Variants in CSRNP3 observed in about 807,000 individuals in gnomAD.
The protein encoded by CSRNP3 is cysteine/serine-rich nuclear protein 3.
Under a neutral mutation model 48.0 loss-of-function variants are expected in CSRNP3, and 12 were observed. The ratio of observed to expected loss-of-function variants is 0.25; its 90% CI spans 0.16 to 0.41. CSRNP3 has a LOEUF of 0.41. Ranked by LOEUF, CSRNP3 falls within the 10% of genes least tolerant of loss-of-function variation. The probability of loss-of-function intolerance (pLI) is 1.00; values close to 1 mark genes in which losing one functional copy is unlikely to be tolerated. For missense variants in CSRNP3, 580 were observed against 724.4 expected, an observed-to-expected ratio of 0.80 and a Z score of 2.29; for synonymous variants, 263 against 269.7, an observed-to-expected ratio of 0.98 and a Z score of 0.24.
intron 1 of CSRNP3, among the ~76,000 whole-genome samples, chr2:165,494,259 A>G (rs1379965818): frequency 1.3e-5 from 2 of 152,050 alleles, no homozygotes; most frequent in Non-Finnish European, 2.9e-5. Context: ...CCTAGCAACC[A>G]ATTTGATTTT....
chr2:165,575,428 G>C (rs1214531099), intron 3 of CSRNP3, among the ~76,000 whole-genome samples: 1 of 151,832 alleles, frequency 6.6e-6, no homozygotes, highest in Non-Finnish European at 1.5e-5. Context: ...TCTATTACAG[G>C]TTGTATGTGT....
chr2:165,539,268 C>T (rs1319475928), intron 3 of CSRNP3, among the ~76,000 whole-genome samples: 1 of 151,914 alleles, frequency 6.6e-6, no homozygotes, highest in Non-Finnish European at 1.5e-5. Flanking sequence ...TATGCCTCGT[C>T]TGATAGGGAA....
At chr2:165,508,016 T>G (rs905297655) in intron 2 of CSRNP3, among the ~76,000 whole-genome samples, 17 of 152,044 alleles carry the variant, frequency 1.1e-4, no homozygotes, top group African/African-American at 2.6e-4. Context: ...TTAAGGTAGG[T>G]GCCATCGACT....
intron 1 of CSRNP3, among the ~76,000 whole-genome samples, chr2:165,481,560 T>C (rs1346557006): frequency 1.3e-5 from 2 of 152,216 alleles, no homozygotes; most frequent in East Asian, 3.9e-4. Flanking sequence ...GTGCTGCCTC[T>C]ATTCATTCGT....
intron 4 of CSRNP3, among the ~76,000 whole-genome samples, chr2:165,605,547 AT>A (rs1685995499): frequency 6.6e-6 from 1 of 152,160 alleles, no homozygotes; most frequent in Non-Finnish European, 1.5e-5. Context: ...GACTGAAAAA[AT>A]ATTGAAGCTT....
At chr2:165,603,491 G>A (rs1011848235) in intron 4 of CSRNP3, among the ~76,000 whole-genome samples, 1 of 152,048 alleles carries the variant, frequency 6.6e-6, no homozygotes, top group Non-Finnish European at 1.5e-5. Context: ...TACAAATTCA[G>A]ATCATAACCT....
intron 4 of CSRNP3, among the ~76,000 whole-genome samples, chr2:165,637,500 T>C (rs1325884151): frequency 1.3e-5 from 2 of 152,224 alleles, no homozygotes; most frequent in African/African-American, 2.4e-5. Context: ...CTGGTCATGA[T>C]TGGGATCGGA....
intron 3 of CSRNP3, among the ~76,000 whole-genome samples, chr2:165,581,511 T>C (rs1461179799): frequency 6.6e-6 from 1 of 152,122 alleles, no homozygotes; most frequent in East Asian, 1.9e-4. Context: ...GCCTATGTTT[T>C]ACTAGTTATG....
intron 4 of CSRNP3, among the ~76,000 whole-genome samples, chr2:165,625,831 G>C (rs1475147335): frequency 1.3e-5 from 2 of 150,280 alleles, no homozygotes; most frequent in Non-Finnish European, 3.0e-5. Flanking sequence ...TACTCGGCAG[G>C]CTGAGGCAGG....
At chr2:165,571,579 G>C (rs1367694186) in intron 3 of CSRNP3, among the ~76,000 whole-genome samples, 3 of 151,940 alleles carry the variant, frequency 2.0e-5, no homozygotes, top group Non-Finnish European at 4.4e-5. Context: ...GAAACTACTT[G>C]TTAACATTGA....
intron 1 of CSRNP3, among the ~76,000 whole-genome samples, chr2:165,482,002 A>G (rs1684050159): frequency 6.6e-6 from 1 of 152,098 alleles, no homozygotes; most frequent in South Asian, 2.1e-4. Flanking sequence ...TGGAGATGGG[A>G]CCATGCATAC....
Position 165,666,908 on chromosome 2 carries a change from G to A in CSRNP3, c.408+8888G>A, listed in dbSNP as rs1393356959. Among the ~76,000 whole-genome samples the A allele has an allele frequency of 3.0e-5, 2 of 67,128 alleles. 1 individual carries two copies. Among genetic ancestry groups the A allele is most frequent in the East Asian group, 9.8e-4 (2 of 2,044 alleles). The allele number at this position is 67,128 out of a possible 152,430, so 44.0% of individuals were successfully genotyped here. ...GAAGGAAAGAGAGAGAAAAAGGAAGGGCGGAAGGAAGGGAGGAAAGAGAGA... is the reference window on the plus strand; with the variant it reads ...GAAGGAAAGAGAGAGAAAAAGGAAGAGCGGAAGGAAGGGAGGAAAGAGAGA... On this transcript the variant is annotated intron_variant, in intron 5 of 6. Transcript: ENST00000651982.
chr2:165,579,072 A>C (rs1282367236), intron 3 of CSRNP3, among the ~76,000 whole-genome samples: 1 of 152,174 alleles, frequency 6.6e-6, no homozygotes, highest in Non-Finnish European at 1.5e-5. Context: ...TTTTCAGCCC[A>C]CACAAGTTGA....
chr2:165,560,260 T>C (rs1425385752), intron 3 of CSRNP3, among the ~76,000 whole-genome samples: 1 of 152,164 alleles, frequency 6.6e-6, no homozygotes, highest in East Asian at 1.9e-4. Context: ...GTTTATTGAA[T>C]GGGAATATCA....
intron 3 of CSRNP3, among the ~76,000 whole-genome samples, chr2:165,562,526 A>G (rs1685247274): frequency 6.6e-6 from 1 of 152,202 alleles, no homozygotes; most frequent in Admixed American, 6.5e-5. Flanking sequence ...TCATTTAGAC[A>G]AGCTTGAAAA....
intron 5 of CSRNP3, among the ~76,000 whole-genome samples, chr2:165,665,237 G>A (rs2105351874): frequency 6.6e-6 from 1 of 152,314 alleles, no homozygotes. Flanking sequence ...CTGATAGGAT[G>A]TATAGATGCC....
chr2:165,638,957 G>T (rs754045760), intron 4 of CSRNP3, among the ~76,000 whole-genome samples: 4 of 152,136 alleles, frequency 2.6e-5, no homozygotes, highest in Non-Finnish European at 5.9e-5. Flanking sequence ...TACCTGTTGA[G>T]CCTCTGGTCA....
chr2:165,686,204 G>A lies in CSRNP3; in HGVS notation c.*6451G>A, dbSNP rs1021393346. Reference sequence around the variant, plus strand: ...AAAATGTCTCTTTTAAATTTATCTAGGTACTTGTATCACCAGAGACCTTCA... The same window carrying A: ...AAAATGTCTCTTTTAAATTTATCTAAGTACTTGTATCACCAGAGACCTTCA... On this transcript the variant is annotated 3_prime_UTR_variant, in exon 7 of 7. Coordinates refer to ENST00000651982, the MANE Select transcript of CSRNP3 (RefSeq NM_001172173.2). 3 of 151,926 alleles carry A rather than the reference G, an allele frequency of 2.0e-5. No homozygotes were observed. Among genetic ancestry groups the A allele is most frequent in the African/African-American group, 4.8e-5 (2 of 41,388 alleles). The allele number at this position is 151,926 out of a possible 1,614,324, so 9.4% of individuals were successfully genotyped here. A position where few individuals can be genotyped will look rare whatever the true frequency, so the allele number is the denominator to read the frequency against.
At chr2:165,564,846 A>T (rs987267725) in intron 3 of CSRNP3, among the ~76,000 whole-genome samples, 3 of 151,970 alleles carry the variant, frequency 2.0e-5, no homozygotes, top group Non-Finnish European at 1.5e-5. Flanking sequence ...GTTTCTTAAA[A>T]TTTTTTTGTA....
Sources: gnomAD v4.1 joint callset for allele counts (sites outside exome capture counted in the v4.1 genomes callset) on GRCh38, gnomAD v4.1.1 for gene constraint, MANE v1.5 for transcripts, NCBI Gene and HGNC (gene_info 2026-07-23, HGNC 2026-07-21) for gene names.